GREB1L: variants seen among roughly 807,000 people sequenced by gnomAD.
GREB1L encodes GREB1-like protein.
Under a neutral mutation model 200.8 loss-of-function variants are expected in GREB1L, and 17 were observed. The ratio of observed to expected loss-of-function variants is 0.08; its 90% CI spans 0.06 to 0.13. The LOEUF is 0.13. GREB1L is among the 10% of genes least tolerant of loss of function. GREB1L has a pLI of 1.00. For missense variants in GREB1L, 1,657 were observed against 2,367.7 expected (o/e 0.70, Z 6.23); for synonymous variants, 789 against 893.0 (o/e 0.88, Z 2.08).
At chr18:21,393,052 G>A (rs919440697) in intron 4 of GREB1L, among the ~76,000 whole-genome samples, 9 of 152,146 alleles carry the variant, frequency 5.9e-5, no homozygotes, top group African/African-American at 1.7e-4. Flanking sequence ...GATTACAGGC[G>A]TGAGCCACTG....
chr18:21,304,587 C>T (rs1290420867), intron 1 of GREB1L, among the ~76,000 whole-genome samples: 1 of 152,010 alleles, frequency 6.6e-6, no homozygotes, highest in African/African-American at 2.4e-5. Flanking sequence ...GTCTATATCT[C>T]CATTTGGATA....
At position 21,525,716 on chromosome 18, in the gene GREB1L, A is replaced by AC. The variant is rs1402890231; in HGVS notation, c.*2895_*2896insC. Among the ~76,000 whole-genome samples, 1 of 152,200 alleles carries AC rather than the reference A, an allele frequency of 6.6e-6. No homozygotes were observed. The highest frequency in any genetic ancestry group is 2.4e-5 in the African/African-American group (1 of 41,452). On this transcript the variant is annotated 3_prime_UTR_variant, in exon 33 of 33. Transcript: ENST00000424526. ...TTCTCAAACTTTTTGAGAGTGTCTC[A>AC]AAGTTGCTAGAACTATGTAGTATGA...
chr18:21,405,900 G>A (rs1220846387), intron 7 of GREB1L, among the ~76,000 whole-genome samples: 1 of 152,060 alleles, frequency 6.6e-6, no homozygotes, highest in Non-Finnish European at 1.5e-5. Context: ...GGTAGGCCTA[G>A]GCATGTGGAT....
intron 1 of GREB1L, among the ~76,000 whole-genome samples, chr18:21,243,857 AAAC>A (rs369052128): frequency 3.5e-4 from 52 of 149,322 alleles, no homozygotes; most frequent in African/African-American, 1.2e-3. Context: ...TAAACATTTC[AAAC>A]AACAGTGAAG....
chr18:21,274,002 T>G (rs375498735), intron 1 of GREB1L, among the ~76,000 whole-genome samples: 42 of 152,368 alleles, frequency 2.8e-4, no homozygotes, highest in South Asian at 4.1e-4. Context: ...ATGTAAATAC[T>G]GTCTTAGTGC....
chr18:21,350,238 C>CTTTTTTT (rs1019497941), intron 1 of GREB1L, among the ~76,000 whole-genome samples: 1 of 133,298 alleles, frequency 7.5e-6, no homozygotes. Context: ...TTCTTTCTTT[C>CTTTTTTT]TTTTTTTTTT....
In GREB1L at chr18:21,285,675, A is replaced by G. The variant is rs1224863244; in HGVS notation, c.-120+43282A>G. ...TATTTAAATATTTTTGTCTGAAATT[A>G]ATTTCTATCTAAAGCATCTTATTAA... On this transcript the variant is annotated intron_variant, in intron 1 of 32. Coordinates refer to ENST00000424526, the MANE Select transcript of GREB1L (RefSeq NM_001142966.3). Among the ~76,000 whole-genome samples the G allele has an allele frequency of 2.0e-5, 3 of 152,226 alleles. No individual in the cohort carries two copies. The East Asian group carries it at 5.8e-4, about 29-fold the overall frequency.
intron 1 of GREB1L, among the ~76,000 whole-genome samples, chr18:21,255,819 G>T (rs1419247274): frequency 2.0e-5 from 3 of 152,072 alleles, no homozygotes; most frequent in African/African-American, 7.2e-5. Context: ...AGGTACTATG[G>T]CATATTATCA....
chr18:21,280,299 G>C (rs1323814229), intron 1 of GREB1L, among the ~76,000 whole-genome samples: 1 of 152,106 alleles, frequency 6.6e-6, no homozygotes, highest in Non-Finnish European at 1.5e-5. Flanking sequence ...GAATCAGATA[G>C]TAGGTAGGCT....
intron 29 of GREB1L, 55 bp downstream of exon 29, chr18:21,515,699 C>T: frequency 8.3e-7 from 1 of 1,209,034 alleles, no homozygotes; most frequent in Non-Finnish European, 1.2e-6. Context: ...TTGCTTCTGC[C>T]CAGCTCTAGC....
At chr18:21,382,952 A>C (rs1487369560) in intron 2 of GREB1L, among the ~76,000 whole-genome samples, 1 of 152,238 alleles carries the variant, frequency 6.6e-6, no homozygotes, top group African/African-American at 2.4e-5. Flanking sequence ...TGTTTTTCAA[A>C]TACTAGTAAT....
chr18:21,500,586 G>A lies in GREB1L; in HGVS notation c.4016G>A (p.Arg1339His), dbSNP rs368919544. The A allele has an allele frequency of 1.3e-4, 199 of 1,551,114 alleles. 1 individual carries two copies. The highest frequency in any genetic ancestry group is 1.6e-4 in the Non-Finnish European group (180 of 1,146,834). The change falls in exon 23 of 33, where the codon CGC becomes CAC. Residue 1339 changes from arginine to histidine, a missense_variant. By Grantham distance (29) the Arg-to-His change is conservative. Transcript: ENST00000424526. The part of the protein sequence containing the change: ...SYLQFLRILF[R>H]MLIRLLEVDV... ...TTACAGTTCCTCAGGATCCTCTTCC[G>A]CATGCTCATCAGGCTCCTGGAGGTG... is the stretch of plus-strand genomic sequence containing the variant.
chr18:21,448,115 T>G (rs1036767674), intron 11 of GREB1L, among the ~76,000 whole-genome samples: 4 of 148,746 alleles, frequency 2.7e-5, no homozygotes, highest in Non-Finnish European at 5.9e-5. Context: ...TGAGCCGAGA[T>G]CGCGCCACTG....
At chr18:21,413,087 C>G (rs2031249353) in intron 7 of GREB1L, among the ~76,000 whole-genome samples, 1 of 152,148 alleles carries the variant, frequency 6.6e-6, no homozygotes, top group Admixed American at 6.5e-5. Context: ...CTGTAAATGT[C>G]CAACACTTTT....
At chr18:21,287,709 T>A (rs541232947) in intron 1 of GREB1L, among the ~76,000 whole-genome samples, 1 of 151,952 alleles carries the variant, frequency 6.6e-6, no homozygotes, top group South Asian at 2.1e-4. Flanking sequence ...GGAGGAAGAG[T>A]CTAATAGGTT....
At chr18:21,439,401 C>G (rs1208914387) in intron 7 of GREB1L, 120 bp from the exon 8 acceptor site, 2 of 622,280 alleles carry the variant, frequency 3.2e-6, no homozygotes, top group Admixed American at 2.6e-5. Context: ...TGGACTGAGT[C>G]CTATCCGTGA....
chr18:21,298,292 T>A (rs2038562180), intron 1 of GREB1L, among the ~76,000 whole-genome samples: 1 of 152,200 alleles, frequency 6.6e-6, no homozygotes, highest in Non-Finnish European at 1.5e-5. Flanking sequence ...TCTCTTTCTC[T>A]CTTTGTCTCT....
chr18:21,309,012 TA>T (rs2038748303), intron 1 of GREB1L, among the ~76,000 whole-genome samples: 1 of 152,228 alleles, frequency 6.6e-6, no homozygotes, highest in Non-Finnish European at 1.5e-5. Flanking sequence ...GGGAATCTTG[TA>T]GAGTATCAAG....
chr18:21,512,775 T>A (rs1337973607), intron 27 of GREB1L, among the ~76,000 whole-genome samples: 1 of 152,168 alleles, frequency 6.6e-6, no homozygotes, highest in Non-Finnish European at 1.5e-5. Context: ...CACCATTGAC[T>A]ATGATGATGT....
Sources: gnomAD v4.1 joint callset for allele counts (sites outside exome capture counted in the v4.1 genomes callset) on GRCh38, gnomAD v4.1.1 for gene constraint, MANE v1.5 for transcripts, NCBI Gene and HGNC (gene_info 2026-07-23, HGNC 2026-07-21) for gene names.